ELP4: variants seen among roughly 807,000 people sequenced by gnomAD.
The protein encoded by ELP4 is elongator acetyltransferase complex subunit 4.
Under a neutral mutation model 48.9 loss-of-function variants are expected in ELP4, and 51 were observed. The observed-to-expected ratio is 1.04, with a 90% confidence interval of 0.83 to 1.32. The LOEUF (loss-of-function observed/expected upper bound fraction) is 1.32. Among genes scored for constraint, ELP4 ranks in the 40% most tolerant of loss-of-function variants. ELP4 has a pLI of 0.00. For synonymous variants in ELP4, 210 were observed against 189.2 expected (o/e 1.11, Z -0.90); for missense variants, 519 against 514.6 (o/e 1.01, Z -0.08).
chr11:31,557,751 G>A (rs192099072), intron 3 of ELP4, among the ~76,000 whole-genome samples: 58 of 152,090 alleles, frequency 3.8e-4, no homozygotes, highest in Admixed American at 2.1e-3. Flanking sequence ...ATCATATACA[G>A]ATTCAGAACA....
intron 8 of ELP4, chr11:31,648,650 C>T (rs901164122): frequency 6.6e-6 from 1 of 151,464 alleles, no homozygotes; most frequent in Non-Finnish European, 1.5e-5. Context: ...GTGGAAACCT[C>T]TAAAGACTGA....
chr11:31,591,433 G>C (rs1005045921), intron 3 of ELP4, among the ~76,000 whole-genome samples: 3 of 91,952 alleles, frequency 3.3e-5, no homozygotes, highest in Admixed American at 1.2e-4. Context: ...GGGGGGGGGG[G>C]GGTATAAAAC....
intron 3 of ELP4, among the ~76,000 whole-genome samples, chr11:31,591,354 C>T (rs1172649841): frequency 4.4e-5 from 6 of 136,728 alleles, no homozygotes; most frequent in Non-Finnish European, 7.6e-5. Flanking sequence ...TGCAGTGAGC[C>T]GAGATGGCAC....
At chr11:31,663,509 T>C (rs1945605417) in intron 9 of ELP4, 1 of 152,012 alleles carries the variant, frequency 6.6e-6, no homozygotes, top group Non-Finnish European at 1.5e-5. Context: ...TAACTGAATA[T>C]TGAGAGGCAT....
intron 9 of ELP4, among the ~76,000 whole-genome samples, chr11:31,760,731 G>A (rs1345007136): frequency 6.6e-6 from 1 of 152,114 alleles, no homozygotes; most frequent in Non-Finnish European, 1.5e-5. Flanking sequence ...GATTCTAAGG[G>A]AAAATTAAAT....
chr11:31,537,071 G>C (rs1311058096), intron 2 of ELP4, among the ~76,000 whole-genome samples: 1 of 152,072 alleles, frequency 6.6e-6, no homozygotes, highest in Non-Finnish European at 1.5e-5. Context: ...TGCAAAGAAG[G>C]CATTTTCTTC....
intron 9 of ELP4, among the ~76,000 whole-genome samples, chr11:31,675,314 G>C (rs986374136): frequency 2.6e-5 from 4 of 151,704 alleles, no homozygotes; most frequent in Non-Finnish European, 5.9e-5. Context: ...GCCCAGGCTG[G>C]AGTGCAATGG....
intron 5 of ELP4, among the ~76,000 whole-genome samples, chr11:31,607,339 A>G (rs1490193796): frequency 6.6e-6 from 1 of 152,352 alleles, no homozygotes; most frequent in Admixed American, 6.5e-5. Flanking sequence ...TGAACTTTCT[A>G]TCCTCCAGAT....
At chr11:31,670,672 T>G (rs959710202) in intron 9 of ELP4, among the ~76,000 whole-genome samples, 1 of 152,164 alleles carries the variant, frequency 6.6e-6, no homozygotes, top group Non-Finnish European at 1.5e-5. Flanking sequence ...AGTGAAAATT[T>G]CAAGCAAAGG....
intron 5 of ELP4, among the ~76,000 whole-genome samples, chr11:31,616,014 C>T (rs1183785124): frequency 6.6e-6 from 1 of 151,846 alleles, no homozygotes; most frequent in South Asian, 2.1e-4. Context: ...TTCAAAAATC[C>T]TATGACATTA....
chr11:31,546,436 T>A (rs1278336207), intron 3 of ELP4, among the ~76,000 whole-genome samples: 1 of 152,152 alleles, frequency 6.6e-6, no homozygotes, highest in Non-Finnish European at 1.5e-5. Context: ...AAGAGCTAAC[T>A]ATCCTAAATA....
chr11:31,769,627 G>T (rs772227730), intron 9 of ELP4, among the ~76,000 whole-genome samples: 2 of 151,964 alleles, frequency 1.3e-5, no homozygotes, highest in African/African-American at 2.4e-5. Flanking sequence ...AAAATCTCTG[G>T]ATCAACCTCA....
Position 31,783,695 on chromosome 11 carries a change from A to G in ELP4, c.*171A>G, listed in dbSNP as rs1045471284. The G allele has an allele frequency of 1.6e-5, 9 of 564,930 alleles. No individual in the cohort carries two copies. The South Asian group carries it at 2.1e-4, about 13-fold the overall frequency. The allele number at this position is 564,930 out of a possible 1,614,324, so 35.0% of individuals were successfully genotyped here. A position where few individuals can be genotyped will look rare whatever the true frequency, so the allele number is the denominator to read the frequency against. On this transcript the variant is annotated 3_prime_UTR_variant, in exon 10 of 10. Coordinates refer to ENST00000640961, the MANE Select transcript of ELP4 (RefSeq NM_019040.5). ...TTTTAACTTTTTACAGAACTAGCAC[A>G]GCAGAAATACTTTTAAATTTTTCCT...
At chr11:31,714,418 A>C (rs756522590) in intron 9 of ELP4, among the ~76,000 whole-genome samples, 24 of 152,186 alleles carry the variant, frequency 1.6e-4, no homozygotes, top group Admixed American at 1.4e-3. Context: ...GATGTTTACT[A>C]TATTTCATTT....
At chr11:31,688,204 T>C (rs1158553251) in intron 9 of ELP4, among the ~76,000 whole-genome samples, 1 of 152,174 alleles carries the variant, frequency 6.6e-6, no homozygotes, top group East Asian at 1.9e-4. Flanking sequence ...TTAACATCCC[T>C]TTCTACAAAG....
chr11:31,540,923 C>T (rs1390905754), intron 3 of ELP4, among the ~76,000 whole-genome samples: 2 of 152,138 alleles, frequency 1.3e-5, no homozygotes, highest in African/African-American at 4.8e-5. Context: ...TGTACTGAAT[C>T]TTTAAGCCAA....
At chr11:31,627,047 T>C (rs1944759443) in intron 5 of ELP4, 63 bp from the exon 6 acceptor site, 2 of 875,186 alleles carry the variant, frequency 2.3e-6, no homozygotes, top group Non-Finnish European at 3.8e-6. Context: ...TGTTTTATCA[T>C]AGATTGTGTA....
chr11:31,758,491 C>A (rs1228730282), intron 9 of ELP4, among the ~76,000 whole-genome samples: 21 of 152,136 alleles, frequency 1.4e-4, no homozygotes, highest in Admixed American at 1.4e-3. Flanking sequence ...CTGGACTAGA[C>A]TATTATGACC....
At chr11:31,631,410 T>A (rs1306734243) in intron 6 of ELP4, among the ~76,000 whole-genome samples, 1 of 152,164 alleles carries the variant, frequency 6.6e-6, no homozygotes, top group Non-Finnish European at 1.5e-5. Flanking sequence ...CCAGGTTTTG[T>A]TAACGCCTTC....
Sources: gnomAD v4.1 joint callset for allele counts (sites outside exome capture counted in the v4.1 genomes callset) on GRCh38, gnomAD v4.1.1 for gene constraint, MANE v1.5 for transcripts, NCBI Gene and HGNC (gene_info 2026-07-23, HGNC 2026-07-21) for gene names.